The following TBCD variants were observed in gnomAD, a reference collection of about 807,000 sequenced individuals.
TBCD encodes the protein tubulin folding cofactor D, also known as tubulin-specific chaperone D.
Under a neutral mutation model 169.3 loss-of-function variants are expected in TBCD, and 105 were observed. The ratio of observed to expected loss-of-function variants is 0.62; its 90% CI spans 0.53 to 0.73. The LOEUF is 0.73. Ranked by LOEUF, TBCD falls within the 30% of genes least tolerant of loss-of-function variation. The probability of loss-of-function intolerance (pLI) is 0.00; values close to 1 mark genes in which losing one functional copy is unlikely to be tolerated. For synonymous variants in TBCD, 700 were observed against 643.9 expected (o/e 1.09, Z -1.32); for missense variants, 1,444 against 1,600.1 (o/e 0.90, Z 1.66).
chr17:82,793,271 C>G (rs1198998461), intron 7 of TBCD, among the ~76,000 whole-genome samples: 1 of 152,164 alleles, frequency 6.6e-6, no homozygotes, highest in Non-Finnish European at 1.5e-5. Context: ...ATTTTGCTCG[C>G]TCCTGGGGGA....
At position 82,855,431 on chromosome 17, in the gene TBCD, T is replaced by A. The variant is rs145566742; in HGVS notation, c.1319-14793T>A. ...ATGGGTGCATGCTACCGTGCCCGGC[T>A]AATTTTTTTTATCTTTTGAAGAGAT... is the stretch of plus-strand genomic sequence containing the variant. On this transcript the variant is annotated intron_variant, in intron 13 of 38. Transcript: ENST00000355528. 1.6e-4 allele frequency among the ~76,000 whole-genome samples: 25 copies of A among 151,660 alleles called. No individual in the cohort carries two copies. In the East Asian group the frequency reaches 4.5e-3, roughly 27 times the overall value.
At chr17:82,937,816 T>C in intron 35 of TBCD, 1 of 1,442,866 alleles carries the variant, frequency 6.9e-7, no homozygotes, top group South Asian at 1.4e-5. Flanking sequence ...CTGCAGGAGA[T>C]CCTCTGTGAG....
chr17:82,804,360 G>T (rs1342227410), intron 9 of TBCD, among the ~76,000 whole-genome samples: 1 of 152,012 alleles, frequency 6.6e-6, no homozygotes, highest in Non-Finnish European at 1.5e-5. Flanking sequence ...GAATCTTGAC[G>T]TGGCTCAGCT....
chr17:82,850,949 A>G (rs2055740874), intron 13 of TBCD, among the ~76,000 whole-genome samples: 1 of 152,268 alleles, frequency 6.6e-6, no homozygotes, highest in East Asian at 1.9e-4. Flanking sequence ...CACATTACAT[A>G]CTGTGTGTGC....
intron 6 of TBCD, among the ~76,000 whole-genome samples, chr17:82,775,993 G>C (rs567980390): frequency 3.0e-4 from 46 of 152,210 alleles, no homozygotes; most frequent in Non-Finnish European, 5.7e-4. Context: ...GAGGCGGGTG[G>C]ATCACCTGAG....
intron 13 of TBCD, among the ~76,000 whole-genome samples, chr17:82,821,080 T>C (rs955862674): frequency 1.3e-5 from 2 of 151,950 alleles, no homozygotes; most frequent in African/African-American, 4.8e-5. Flanking sequence ...CTCAGCCTCC[T>C]GAGTAGCTGA....
rs1046957759 is a variant in TBCD at position 82,884,012 on chromosome 17, G to A, written c.1476-133G>A. ...CTGCAGTCCCTGGGTGCCTCAAGCT[G>A]TGTGTTGCCTGTGGGGCATGTCTGA... On this transcript the variant is annotated intron_variant, in intron 14 of 38. Transcript: ENST00000355528. The surrounding 1 kb of genome is among the most constrained non-coding windows in gnomAD (Gnocchi z 4.2). 7.5e-6 allele frequency: 6 copies of A among 796,098 alleles called. No individual in the cohort carries two copies. The highest frequency in any genetic ancestry group is 8.3e-6 in the Non-Finnish European group (4 of 484,640). 49.3% of individuals were successfully genotyped at this position (796,098 alleles called of 1,614,324 possible). A position where few individuals can be genotyped will look rare whatever the true frequency, so the allele number is the denominator to read the frequency against.
intron 32 of TBCD, chr17:82,929,744 C>T (rs2062047044): frequency 8.0e-6 from 5 of 627,036 alleles, no homozygotes; most frequent in Admixed American, 2.6e-5. Context: ...TTCCTGCGGC[C>T]GCAGCCTTGG....
intron 13 of TBCD, among the ~76,000 whole-genome samples, chr17:82,839,493 C>T (rs1271737358): frequency 1.3e-5 from 2 of 151,924 alleles, no homozygotes; most frequent in South Asian, 4.1e-4. Flanking sequence ...ATATATAACC[C>T]TAAATTCAGC....
At chr17:82,849,655 G>A (rs1442368369) in intron 13 of TBCD, among the ~76,000 whole-genome samples, 1 of 152,214 alleles carries the variant, frequency 6.6e-6, no homozygotes, top group Non-Finnish European at 1.5e-5. Context: ...CCTCGTGGTC[G>A]CCCCGGGGGT....
Position 82,890,427 on chromosome 17 carries a change from T to C in TBCD, c.1563+730T>C, listed in dbSNP as rs1056250240. On this transcript the variant is annotated intron_variant, in intron 16 of 38. Transcript: ENST00000355528. The surrounding 1 kb of genome is among the most constrained non-coding windows in gnomAD (Gnocchi z 5.3). ...AGCCGGGGTCTGGGCTGTGGCCAGG[T>C]GGTGTGGGGCGGCATGGGGTGGACG... Among the ~76,000 whole-genome samples the C allele has an allele frequency of 4.6e-5, 7 of 151,438 alleles. No homozygotes were observed. The highest frequency in any genetic ancestry group is 7.4e-5 in the Non-Finnish European group (5 of 67,854).
chr17:82,831,083 C>G lies in TBCD; in HGVS notation c.1318+16149C>G, dbSNP rs1567851993. On this transcript the variant is annotated intron_variant, in intron 13 of 38. Transcript: ENST00000355528. The surrounding 1 kb of genome is among the most constrained non-coding windows in gnomAD (Gnocchi z 4.6). ...GGTAGGCATTCTGTGCTTTTCTTAACAGGCCTGAAGGCTGTGAGGCTTTGC... is the reference window on the plus strand; with the variant it reads ...GGTAGGCATTCTGTGCTTTTCTTAAGAGGCCTGAAGGCTGTGAGGCTTTGC... The G allele has an allele frequency of 6.2e-7, 1 of 1,614,200 alleles. No homozygotes were observed. Among genetic ancestry groups the G allele is most frequent in the Non-Finnish European group, 8.5e-7 (1 of 1,180,042 alleles).
At chr17:82,929,662 A>G (rs764526934) in intron 32 of TBCD, 162 bp downstream of exon 32, 8 of 740,922 alleles carry the variant, frequency 1.1e-5, no homozygotes, top group Non-Finnish European at 1.7e-5. Flanking sequence ...TGTCTTCCTC[A>G]TGACCCAGGA....
At chr17:82,851,951 C>T (rs1598938179) in intron 13 of TBCD, among the ~76,000 whole-genome samples, 4 of 152,248 alleles carry the variant, frequency 2.6e-5, no homozygotes, top group South Asian at 2.1e-4. Flanking sequence ...TGCTTGTAAG[C>T]GGGAACGATT....
At chr17:82,917,925 G>A (rs776204999) in intron 23 of TBCD, among the ~76,000 whole-genome samples, 1 of 152,246 alleles carries the variant, frequency 6.6e-6, no homozygotes, top group Non-Finnish European at 1.5e-5. Flanking sequence ...GAGCTCTCTG[G>A]TAACTGCAGG....
chr17:82,771,473 T>A (rs2048311339), intron 5 of TBCD, among the ~76,000 whole-genome samples: 1 of 151,660 alleles, frequency 6.6e-6, no homozygotes, highest in Non-Finnish European at 1.5e-5. Flanking sequence ...TTCTGGAGTA[T>A]AGTGGTCTAA....
Position 82,843,955 on chromosome 17 carries a change from T to C in TBCD, c.1319-26269T>C, listed in dbSNP as rs1473578275. Among the ~76,000 whole-genome samples the C allele has an allele frequency of 2.0e-5, 3 of 152,332 alleles. No homozygotes were observed. The East Asian group carries it at 5.8e-4, about 29-fold the overall frequency. On this transcript the variant is annotated intron_variant, in intron 13 of 38. Coordinates refer to ENST00000355528, the MANE Select transcript of TBCD (RefSeq NM_005993.5). ...TGTCAGTAGTGATTCCTGATTTTTATGGACAGCTGTTTCTCACCTGCAGGT... is the reference window on the plus strand; with the variant it reads ...TGTCAGTAGTGATTCCTGATTTTTACGGACAGCTGTTTCTCACCTGCAGGT...
chr17:82,822,096 G>T (rs1418358988), intron 13 of TBCD, among the ~76,000 whole-genome samples: 1 of 152,164 alleles, frequency 6.6e-6, no homozygotes, highest in Non-Finnish European at 1.5e-5. Flanking sequence ...CCCACCTGTG[G>T]ACTGTGTTTT....
In TBCD at chr17:82,782,754, G is replaced by A. The variant is rs1033603354; in HGVS notation, c.771+1033G>A. ...CCGCAGCATCGTCTTCCTATCCGCGGCATTGTCTTCCTATCCGCGGCGTTG... is the reference window on the plus strand; with the variant it reads ...CCGCAGCATCGTCTTCCTATCCGCGACATTGTCTTCCTATCCGCGGCGTTG... On this transcript the variant is annotated intron_variant, in intron 7 of 38. Coordinates refer to ENST00000355528, the MANE Select transcript of TBCD (RefSeq NM_005993.5). The surrounding 1 kb of genome is among the most constrained non-coding windows in gnomAD (Gnocchi z 5.1). 6.9e-6 allele frequency among the ~76,000 whole-genome samples: 1 copy of A among 145,462 alleles called. No individual in the cohort carries two copies. The highest frequency in any genetic ancestry group is 2.8e-5 in the African/African-American group (1 of 35,328).
Sources: gnomAD v4.1 joint callset for allele counts (sites outside exome capture counted in the v4.1 genomes callset) on GRCh38, gnomAD v4.1.1 for gene constraint, Gnocchi (gnomAD v3.1) non-coding constraint, MANE v1.5 for transcripts, NCBI Gene and HGNC (gene_info 2026-07-23, HGNC 2026-07-21) for gene names.